The following CNTN3 variants were observed in gnomAD, a reference collection of about 807,000 sequenced individuals.
CNTN3 encodes contactin-3.
A neutral mutation model predicts 119.1 loss-of-function variants in CNTN3; 60 were observed. The observed-to-expected ratio is 0.50, with a 90% CI of 0.41 to 0.62. The LOEUF (loss-of-function observed/expected upper bound fraction) is 0.62. Among genes scored for constraint, CNTN3 ranks in the 20% least tolerant of loss-of-function variants. CNTN3 has a pLI of 0.00. For synonymous variants in CNTN3, 450 were observed against 438.7 expected, an observed-to-expected ratio of 1.03 and a Z score of -0.32; for missense variants, 1,101 against 1,242.4, an observed-to-expected ratio of 0.89 and a Z score of 1.71.
chr3:74,462,772 A>T (rs115312874), intron 4 of CNTN3, among the ~76,000 whole-genome samples: 133 of 152,190 alleles, frequency 8.7e-4, no homozygotes, highest in African/African-American at 3.0e-3. Context: ...AAACTTCCTG[A>T]GGTTATAAGC....
intron 4 of CNTN3, among the ~76,000 whole-genome samples, chr3:74,459,776 A>G (rs1046484554): frequency 1.3e-5 from 2 of 151,946 alleles, no homozygotes; most frequent in African/African-American, 4.8e-5. Flanking sequence ...TATGCCTTTT[A>G]TTATTCTCCC....
chr3:74,609,977 T>G (rs1705053211), intron 1 of CNTN3, among the ~76,000 whole-genome samples: 1 of 152,022 alleles, frequency 6.6e-6, no homozygotes, highest in African/African-American at 2.4e-5. Context: ...CAGAGAGCCC[T>G]CTCTAAGCAA....
intron 20 of CNTN3, among the ~76,000 whole-genome samples, chr3:74,283,215 C>G (rs759639460): frequency 1.1e-4 from 17 of 152,142 alleles, no homozygotes; most frequent in African/African-American, 2.4e-4. Flanking sequence ...CTGTTACTTA[C>G]TCTGCAATGT....
chr3:74,291,101 C>T lies in CNTN3; in HGVS notation c.2517+4020G>A, dbSNP rs539964422. Among the ~76,000 whole-genome samples, 490 of 151,954 alleles carry T rather than the reference C, an allele frequency of 3.2e-3. 5 individuals are homozygous for T. The highest frequency in any genetic ancestry group is 1.0e-2 in the African/African-American group (414 of 41,428). ...TGTGTGATGTTCCCCACCCTGTGTC[C>T]AAGTGTTCTCGTCGTTCAGTTCCCA... is the stretch of plus-strand genomic sequence containing the variant. On this transcript the variant is annotated intron_variant, in intron 19 of 22. Transcript: ENST00000263665.
intron 5 of CNTN3, among the ~76,000 whole-genome samples, chr3:74,423,028 T>C (rs574826470): frequency 2.2e-4 from 33 of 152,206 alleles, no homozygotes; most frequent in Non-Finnish European, 4.4e-4. Context: ...ATCACAGAAC[T>C]TAGAGCTGTC....
At chr3:74,317,112 A>G (rs1188593886) in intron 13 of CNTN3, among the ~76,000 whole-genome samples, 11 of 149,360 alleles carry the variant, frequency 7.4e-5, no homozygotes, top group Non-Finnish European at 1.3e-4. Context: ...GTCTCTTTTG[A>G]TCTTTGTTGG....
chr3:74,377,878 C>G (rs1049803150), intron 5 of CNTN3, among the ~76,000 whole-genome samples: 1 of 152,158 alleles, frequency 6.6e-6, no homozygotes, highest in Non-Finnish European at 1.5e-5. Flanking sequence ...TCTGGAGATA[C>G]ACTAATACAT....
intron 5 of CNTN3, among the ~76,000 whole-genome samples, chr3:74,374,999 A>AT (rs1174640973): frequency 1.3e-5 from 2 of 152,194 alleles, no homozygotes; most frequent in African/African-American, 4.8e-5. Flanking sequence ...ATTGAAAGCC[A>AT]TTTTAAAAAA....
At chr3:74,590,980 A>C (rs1052058853) in intron 1 of CNTN3, among the ~76,000 whole-genome samples, 6 of 151,994 alleles carry the variant, frequency 3.9e-5, no homozygotes, top group African/African-American at 1.4e-4. Flanking sequence ...TATGAAGAAA[A>C]ATGACTCAGA....
chr3:74,269,365 A>T (rs1005664723), intron 20 of CNTN3, among the ~76,000 whole-genome samples: 2 of 152,130 alleles, frequency 1.3e-5, no homozygotes, highest in African/African-American at 4.8e-5. Context: ...ATCTCTTACC[A>T]CCACTGGTAA....
At chr3:74,541,167 C>T (rs1233106856) in intron 1 of CNTN3, among the ~76,000 whole-genome samples, 1 of 152,092 alleles carries the variant, frequency 6.6e-6, no homozygotes, top group Non-Finnish European at 1.5e-5. Context: ...TGGAAAACAT[C>T]GTGCCATCGC....
chr3:74,468,686 G>A (rs1385753645), intron 4 of CNTN3, among the ~76,000 whole-genome samples: 2 of 152,152 alleles, frequency 1.3e-5, no homozygotes, highest in African/African-American at 2.4e-5. Flanking sequence ...CTATCAATTG[G>A]ATTTCCATGA....
At chr3:74,338,449 C>T (rs747401427) in intron 11 of CNTN3, among the ~76,000 whole-genome samples, 35 of 147,604 alleles carry the variant, frequency 2.4e-4, no homozygotes, top group Non-Finnish European at 4.3e-4. Flanking sequence ...TATATACACA[C>T]GTGCACATAT....
At chr3:74,295,979 A>T (rs763678080) in intron 18 of CNTN3, among the ~76,000 whole-genome samples, 11 of 152,062 alleles carry the variant, frequency 7.2e-5, no homozygotes, top group South Asian at 6.2e-4. Context: ...TCTCCTGAGA[A>T]TTTGAAACTT....
At chr3:74,535,008 CA>C (rs1703745287) in intron 1 of CNTN3, among the ~76,000 whole-genome samples, 1 of 151,782 alleles carries the variant, frequency 6.6e-6, no homozygotes, top group South Asian at 2.1e-4. Context: ...GCTATGATTT[CA>C]AAAAAATTAA....
chr3:74,384,424 A>AAAAG (rs1442223738), intron 5 of CNTN3, among the ~76,000 whole-genome samples: 1 of 152,232 alleles, frequency 6.6e-6, no homozygotes, highest in Non-Finnish European at 1.5e-5. Flanking sequence ...GAACTGCAGT[A>AAAAG]AAAGAGCATT....
At chr3:74,274,855 C>T (rs1220669723) in intron 20 of CNTN3, among the ~76,000 whole-genome samples, 1 of 152,072 alleles carries the variant, frequency 6.6e-6, no homozygotes, top group East Asian at 1.9e-4. Context: ...TTAAGCTAAT[C>T]AAGGAGGCAC....
intron 11 of CNTN3, among the ~76,000 whole-genome samples, chr3:74,346,242 A>G (rs987177643): frequency 7.2e-5 from 11 of 152,180 alleles, no homozygotes; most frequent in South Asian, 4.1e-4. Flanking sequence ...AAGTAAATTC[A>G]TAAATGCTAA....
chr3:74,568,065 A>G (rs1285161503), intron 1 of CNTN3, among the ~76,000 whole-genome samples: 1 of 152,192 alleles, frequency 6.6e-6, no homozygotes, highest in Non-Finnish European at 1.5e-5. Flanking sequence ...ATTTCTAAGC[A>G]TTTTAGAAGT....
Sources: allele counts gnomAD v4.1 joint callset (sites outside exome capture counted in the v4.1 genomes callset), GRCh38; gene constraint gnomAD v4.1.1; transcripts MANE v1.5; gene names NCBI Gene and HGNC (gene_info 2026-07-23, HGNC 2026-07-21).